The following BRAF variants were observed in gnomAD, a reference collection of about 807,000 sequenced individuals.
BRAF encodes the protein B-Raf proto-oncogene, serine/threonine kinase.
Under a neutral mutation model 104.6 loss-of-function variants are expected in BRAF, and 16 were observed. The observed-to-expected ratio is 0.15, with a 90% CI of 0.10 to 0.23. The LOEUF is 0.23. Among genes scored for constraint, BRAF ranks in the 10% least tolerant of loss-of-function variants. BRAF has a pLI of 1.00. For missense variants in BRAF, 541 were observed against 937.3 expected, an observed-to-expected ratio of 0.58 and a Z score of 5.52; for synonymous variants, 310 against 341.6, an observed-to-expected ratio of 0.91 and a Z score of 1.02.
chr7:140,875,564 G>C (rs188517050), intron 1 of BRAF, among the ~76,000 whole-genome samples: 2 of 152,200 alleles, frequency 1.3e-5, no homozygotes, highest in African/African-American at 4.8e-5. Flanking sequence ...TTTTAGTACA[G>C]ACAGGGTTTC....
rs750480545 is a variant in BRAF at position 140,850,180 on chromosome 7, T to G, written c.171A>C (p.Thr57=). The G allele has an allele frequency of 6.2e-7, 1 of 1,611,660 alleles. No homozygotes were observed. Among genetic ancestry groups the G allele is most frequent in the Non-Finnish European group, 8.5e-7 (1 of 1,178,796 alleles). Reference sequence around the variant, plus strand: ...CCAATAGGGCCTCTATATGTTCCTGTGTCAACTTAATCATTTGTTTGATAT... The same window carrying G: ...CCAATAGGGCCTCTATATGTTCCTGGGTCAACTTAATCATTTGTTTGATAT... ...VWNIKQMIKL[T]QEHIEALLDK... Residue 57 remains threonine (T), a synonymous_variant, in exon 2 of 20, where the codon ACA becomes ACC. Transcript: ENST00000644969.
chr7:140,724,015 A>G lies in BRAF; in HGVS notation c.*2479T>C. ...GAGAGGTTTAAATATTTTATTTTTT[A>G]AGGTATCTATAAAAATCTCAATATG... On this transcript the variant is annotated 3_prime_UTR_variant, in exon 20 of 20. Coordinates refer to ENST00000644969, the MANE Select transcript of BRAF (RefSeq NM_001374258.1). 2 of 1,043,786 alleles carry G rather than the reference A, an allele frequency of 1.9e-6. No homozygotes were observed. The highest frequency in any genetic ancestry group is 2.3e-6 in the Non-Finnish European group (2 of 865,608). 64.7% of individuals were successfully genotyped at this position (1,043,786 alleles called of 1,614,324 possible). A position where few individuals can be genotyped will look rare whatever the true frequency, so the allele number is the denominator to read the frequency against.
At chr7:140,914,277 G>C (rs1189131886) in intron 1 of BRAF, among the ~76,000 whole-genome samples, 1 of 152,144 alleles carries the variant, frequency 6.6e-6, no homozygotes, top group Non-Finnish European at 1.5e-5. Flanking sequence ...CATAAGGAGG[G>C]GGAGGAGGAT....
intron 14 of BRAF, among the ~76,000 whole-genome samples, chr7:140,763,716 C>G (rs375059048): frequency 6.6e-6 from 1 of 152,168 alleles, no homozygotes; most frequent in East Asian, 1.9e-4. Context: ...ATAAATTCCT[C>G]GACACATACA....
rs1255994785 is a variant in BRAF at position 140,808,072 on chromosome 7, G to T, written c.609-10C>A. On this transcript the variant is annotated splice_polypyrimidine_tract_variant and intron_variant, in intron 4 of 19. Transcript: ENST00000644969. The stretch of plus-strand genomic sequence containing the variant: ...AATTGGTTTCTTCTCTCTGAAAAAT[G>T]TAGACACAAGCCTTTCTTGGTTATT... 6.3e-7 allele frequency: 1 copy of T among 1,585,932 alleles called. No homozygotes were observed. Among genetic ancestry groups the T allele is most frequent in the Non-Finnish European group, 8.7e-7 (1 of 1,154,760 alleles).
intron 5 of BRAF, among the ~76,000 whole-genome samples, chr7:140,804,627 A>G (rs989691108): frequency 1.6e-4 from 25 of 151,848 alleles, no homozygotes; most frequent in South Asian, 2.1e-4. Context: ...CCAGTTTTTC[A>G]GAGTTTTAAT....
chr7:140,921,455 A>G (rs1818212967), intron 1 of BRAF, among the ~76,000 whole-genome samples: 1 of 152,194 alleles, frequency 6.6e-6, no homozygotes, highest in Non-Finnish European at 1.5e-5. Flanking sequence ...TTTAAAGACT[A>G]AAATCTACAT....
chr7:140,744,137 G>C (rs1443616544), intron 17 of BRAF, among the ~76,000 whole-genome samples: 1 of 152,206 alleles, frequency 6.6e-6, no homozygotes, highest in African/African-American at 2.4e-5. Flanking sequence ...ATGCCAGACA[G>C]ACTGTGCTAA....
At chr7:140,841,078 T>G (rs1333967183) in intron 2 of BRAF, among the ~76,000 whole-genome samples, 2 of 151,988 alleles carry the variant, frequency 1.3e-5, no homozygotes, top group Admixed American at 6.6e-5. Flanking sequence ...GGCAAAGGAT[T>G]TGAATAGACA....
intron 3 of BRAF, among the ~76,000 whole-genome samples, chr7:140,825,510 T>C (rs561192818): frequency 7.2e-5 from 11 of 152,244 alleles, no homozygotes; most frequent in Non-Finnish European, 1.5e-4. Context: ...AAAAATTTTC[T>C]GTAGTGTTTT....
intron 12 of BRAF, among the ~76,000 whole-genome samples, chr7:140,778,599 C>T (rs1257629491): frequency 6.6e-6 from 1 of 151,806 alleles, no homozygotes; most frequent in African/African-American, 2.4e-5. Context: ...AAAAAAACTT[C>T]ATGTGAGTTA....
chr7:140,884,313 G>A (rs1813277179), intron 1 of BRAF: 1 of 151,752 alleles, frequency 6.6e-6, no homozygotes, highest in African/African-American at 2.4e-5. Flanking sequence ...AAGAACATAA[G>A]TGTTTAACAG....
At chr7:140,874,196 T>G (rs895742849) in intron 1 of BRAF, among the ~76,000 whole-genome samples, 7 of 150,788 alleles carry the variant, frequency 4.6e-5, no homozygotes, top group African/African-American at 1.7e-4. Flanking sequence ...GAGTTTACAT[T>G]TTACATACTT....
At chr7:140,868,603 G>A (rs1263587055) in intron 1 of BRAF, among the ~76,000 whole-genome samples, 1 of 152,106 alleles carries the variant, frequency 6.6e-6, no homozygotes, top group Admixed American at 6.5e-5. Flanking sequence ...GGCTAAGGGT[G>A]TGGGGTTTCT....
At chr7:140,887,105 C>T (rs1419764193) in intron 1 of BRAF, among the ~76,000 whole-genome samples, 1 of 152,152 alleles carries the variant, frequency 6.6e-6, no homozygotes, top group African/African-American at 2.4e-5. Context: ...CTGACCATTC[C>T]AAAACAGAAA....
In BRAF at chr7:140,725,929, T is replaced by C; in HGVS notation, c.*565A>G. On this transcript the variant is annotated 3_prime_UTR_variant, in exon 20 of 20. Coordinates refer to ENST00000644969, the MANE Select transcript of BRAF (RefSeq NM_001374258.1). ...CCATTTAAATAAAATAGTTTCCTTT[T>C]GATAAAATCTGTCAAGGCCTGAACA... The C allele has an allele frequency of 1.9e-6, 2 of 1,063,296 alleles. No individual in the cohort carries two copies. The highest frequency in any genetic ancestry group is 2.3e-6 in the Non-Finnish European group (2 of 878,148). The allele number at this position is 1,063,296 out of a possible 1,614,324, so 65.9% of individuals were successfully genotyped here.
intron 3 of BRAF, among the ~76,000 whole-genome samples, chr7:140,820,361 A>G (rs1050316648): frequency 2.6e-5 from 4 of 152,204 alleles, no homozygotes; most frequent in African/African-American, 9.7e-5. Context: ...ATCTTCCCCA[A>G]TAAAAGTATT....
chr7:140,884,378 A>G (rs1021907846), intron 1 of BRAF, among the ~76,000 whole-genome samples: 2 of 148,566 alleles, frequency 1.3e-5, no homozygotes, highest in African/African-American at 5.0e-5. Flanking sequence ...TCAGCTCCCC[A>G]TTACAGGGAC....
intron 14 of BRAF, among the ~76,000 whole-genome samples, chr7:140,765,812 G>C (rs886779729): frequency 2.0e-5 from 3 of 152,054 alleles, no homozygotes; most frequent in African/African-American, 7.3e-5. Context: ...AGGTGCTGGA[G>C]AGGATATGGA....
Sources: gnomAD v4.1 joint callset for allele counts (sites outside exome capture counted in the v4.1 genomes callset) on GRCh38, gnomAD v4.1.1 for gene constraint, MANE v1.5 for transcripts, NCBI Gene and HGNC (gene_info 2026-07-23, HGNC 2026-07-21) for gene names.